Variants in LRRFIP1 observed in about 807,000 individuals in gnomAD.
LRRFIP1 encodes the protein leucine-rich repeat flightless-interacting protein 1.
Under a neutral mutation model 104.4 loss-of-function variants are expected in LRRFIP1, and 62 were observed. That is an observed-to-expected ratio of 0.59 (90% CI 0.48 to 0.73). The LOEUF is 0.73. Ranked by LOEUF, LRRFIP1 falls within the 30% of genes least tolerant of loss-of-function variation. The pLI, the probability that LRRFIP1 is intolerant of heterozygous loss-of-function variation, is 0.00. For missense variants in LRRFIP1, 796 were observed against 824.5 expected, an observed-to-expected ratio of 0.97 and a Z score of 0.42; for synonymous variants, 300 against 299.0, an observed-to-expected ratio of 1.00 and a Z score of -0.03.
intron 1 of LRRFIP1, among the ~76,000 whole-genome samples, chr2:237,690,403 TA>T (rs1287165913): frequency 6.6e-6 from 1 of 152,332 alleles, no homozygotes; most frequent in East Asian, 1.9e-4. Flanking sequence ...AGAGAACATT[TA>T]AAATTATTTT....
At chr2:237,634,139 G>A (rs1559435844) in intron 1 of LRRFIP1, among the ~76,000 whole-genome samples, 1 of 152,030 alleles carries the variant, frequency 6.6e-6, no homozygotes, top group Non-Finnish European at 1.5e-5. Flanking sequence ...ACTTTCCAAG[G>A]GTGTCTTGTA....
chr2:237,760,970 G>A (rs536996985), intron 19 of LRRFIP1, among the ~76,000 whole-genome samples: 59 of 152,286 alleles, frequency 3.9e-4, no homozygotes, highest in South Asian at 1.0e-3. Flanking sequence ...AGATTCTGGC[G>A]TGCAGCCTGA....
chr2:237,772,484 C>A (rs1449782173), intron 21 of LRRFIP1: 4 of 437,842 alleles, frequency 9.1e-6, no homozygotes, highest in Non-Finnish European at 1.6e-5. Context: ...ATCTTTCGAT[C>A]TGTTGATTGT....
At chr2:237,733,383 G>A (rs995233733) in intron 8 of LRRFIP1, among the ~76,000 whole-genome samples, 2 of 152,200 alleles carry the variant, frequency 1.3e-5, no homozygotes, top group Admixed American at 1.3e-4. Context: ...GGACATCTGC[G>A]TATTGAATAC....
intron 1 of LRRFIP1, among the ~76,000 whole-genome samples, chr2:237,707,117 C>G (rs923024024): frequency 6.6e-6 from 1 of 152,086 alleles, no homozygotes; most frequent in Admixed American, 6.6e-5. Flanking sequence ...AACCTCAAGA[C>G]GACAGATCAA....
chr2:237,648,075 C>A (rs561214727), intron 1 of LRRFIP1, among the ~76,000 whole-genome samples: 1 of 152,088 alleles, frequency 6.6e-6, no homozygotes, highest in Non-Finnish European at 1.5e-5. Flanking sequence ...TATGAGTCCA[C>A]GAGTCTTTTT....
chr2:237,631,295 G>A (rs1328134786), intron 1 of LRRFIP1, among the ~76,000 whole-genome samples: 1 of 152,250 alleles, frequency 6.6e-6, no homozygotes, highest in Non-Finnish European at 1.5e-5. Flanking sequence ...GAGGGGAAGA[G>A]CTAGGCTGCC....
chr2:237,662,801 C>G (rs2088278493), intron 1 of LRRFIP1, among the ~76,000 whole-genome samples: 1 of 152,106 alleles, frequency 6.6e-6, no homozygotes, highest in African/African-American at 2.4e-5. Flanking sequence ...TGAGGACTAG[C>G]TAAAACAGGC....
chr2:237,668,189 C>A (rs1178399103), intron 1 of LRRFIP1, among the ~76,000 whole-genome samples: 2 of 152,088 alleles, frequency 1.3e-5, no homozygotes, highest in Admixed American at 6.5e-5. Context: ...GGCTGAGGCC[C>A]CTCCCCTCAC....
At chr2:237,679,658 G>T (rs1401633707) in intron 1 of LRRFIP1, among the ~76,000 whole-genome samples, 1 of 152,190 alleles carries the variant, frequency 6.6e-6, no homozygotes, top group Non-Finnish European at 1.5e-5. Context: ...GCCCAGGCTA[G>T]AGTGCAATGG....
intron 19 of LRRFIP1, chr2:237,764,866 G>A: frequency 1.0e-6 from 1 of 985,524 alleles, no homozygotes; most frequent in Non-Finnish European, 1.2e-6. Flanking sequence ...TGCTGATGAT[G>A]TATCAAATTC....
chr2:237,666,753 T>TTCATTCTA (rs2089339277), intron 1 of LRRFIP1, among the ~76,000 whole-genome samples: 1 of 146,012 alleles, frequency 6.8e-6, no homozygotes, highest in South Asian at 2.2e-4. Flanking sequence ...CTTTCATTCT[T>TTCATTCTA]TCTCTTTCTT....
intron 19 of LRRFIP1, chr2:237,768,674 G>A (rs2060388420): frequency 1.3e-5 from 2 of 152,252 alleles, no homozygotes; most frequent in South Asian, 4.2e-4. Context: ...AATTTATATT[G>A]TGCTTAACAT....
chr2:237,739,938 G>T (rs3769070), intron 11 of LRRFIP1, among the ~76,000 whole-genome samples: 1 of 152,094 alleles, frequency 6.6e-6, no homozygotes, highest in African/African-American at 2.4e-5. Context: ...TTGCAGGACG[G>T]TTTTGGACTG....
At chr2:237,710,380 T>C (rs1235662695) in intron 2 of LRRFIP1, among the ~76,000 whole-genome samples, 3 of 151,724 alleles carry the variant, frequency 2.0e-5, no homozygotes, top group African/African-American at 7.3e-5. Flanking sequence ...CTCTCCTGGG[T>C]TCAAGCGATT....
chr2:237,763,377 G>A (rs1161792099), intron 19 of LRRFIP1: 4 of 1,613,930 alleles, frequency 2.5e-6, no homozygotes, highest in African/African-American at 1.3e-5. Context: ...GAAGAAAAGA[G>A]TGACCAACAG....
chr2:237,669,187 T>A (rs1000299982), intron 1 of LRRFIP1, among the ~76,000 whole-genome samples: 77 of 152,316 alleles, frequency 5.1e-4, no homozygotes, highest in African/African-American at 1.8e-3. Context: ...TCTTTAAGAG[T>A]GAGGTTTTTC....
intron 11 of LRRFIP1, among the ~76,000 whole-genome samples, chr2:237,746,349 G>A (rs891102969): frequency 2.0e-5 from 3 of 152,082 alleles, no homozygotes; most frequent in East Asian, 3.9e-4. Context: ...AGGAGCTACC[G>A]CGCCTGGCCT....
In LRRFIP1 at chr2:237,721,107, C is replaced by T; in HGVS notation, c.345+285C>T. The T allele has an allele frequency of 1.7e-5, 6 of 363,278 alleles. No homozygotes were observed. The South Asian group carries it at 2.2e-4, about 13-fold the overall frequency. The allele number at this position is 363,278 out of a possible 1,614,324, so 22.5% of individuals were successfully genotyped here. On this transcript the variant is annotated intron_variant, in intron 6 of 23. Coordinates refer to ENST00000308482, the MANE Select transcript of LRRFIP1 (RefSeq NM_001137550.2). ...CACAAAGCTCCCAAGCCTTGATTAGCACAGTTGTCTCAGCACATTGGTGTT... is the reference window on the plus strand; with the variant it reads ...CACAAAGCTCCCAAGCCTTGATTAGTACAGTTGTCTCAGCACATTGGTGTT...
Sources: gnomAD v4.1 joint callset for allele counts (sites outside exome capture counted in the v4.1 genomes callset) on GRCh38, gnomAD v4.1.1 for gene constraint, MANE v1.5 for transcripts, NCBI Gene and HGNC (gene_info 2026-07-23, HGNC 2026-07-21) for gene names.